Variants in GABBR2 observed in about 807,000 individuals in gnomAD.
The protein encoded by GABBR2 is gamma-aminobutyric acid type B receptor subunit 2.
Under a neutral mutation model 105.6 loss-of-function variants are expected in GABBR2, and 23 were observed. That is an observed-to-expected ratio of 0.22 (90% CI 0.16 to 0.31). GABBR2 has a LOEUF of 0.31. Among genes scored for constraint, GABBR2 ranks in the 10% least tolerant of loss-of-function variants. The probability of loss-of-function intolerance (pLI) is 1.00; values close to 1 mark genes in which losing one functional copy is unlikely to be tolerated. For missense variants in GABBR2, 734 were observed against 1,245.5 expected, an observed-to-expected ratio of 0.59 and a Z score of 6.18; for synonymous variants, 478 against 499.7, an observed-to-expected ratio of 0.96 and a Z score of 0.58.
intron 7 of GABBR2, among the ~76,000 whole-genome samples, chr9:98,417,252 A>C (rs896274471): frequency 6.6e-6 from 1 of 152,172 alleles, no homozygotes; most frequent in Non-Finnish European, 1.5e-5. Context: ...AAGGAGAGAG[A>C]ATGGACACTG....
intron 11 of GABBR2, 48 bp from the exon 12 acceptor site, chr9:98,371,619 G>T: frequency 1.0e-6 from 1 of 1,004,146 alleles, no homozygotes; most frequent in South Asian, 1.3e-5. Context: ...TAGGTAGACA[G>T]ACTTCATCAG....
chr9:98,404,790 G>A lies in GABBR2; in HGVS notation c.1297+1291C>T, dbSNP rs1168935207. On this transcript the variant is annotated intron_variant, in intron 8 of 18. Coordinates refer to ENST00000259455, the MANE Select transcript of GABBR2 (RefSeq NM_005458.8). ...TTCTGACAGCAACAGAAAGTTCAAC[G>A]CATGACCCGGTTTCTTCAAAAAATA... is the stretch of plus-strand genomic sequence containing the variant. Among the ~76,000 whole-genome samples, 4 of 152,128 alleles carry A rather than the reference G, an allele frequency of 2.6e-5. No individual in the cohort carries two copies. The East Asian group carries it at 5.8e-4, about 22-fold the overall frequency.
intron 1 of GABBR2, among the ~76,000 whole-genome samples, chr9:98,688,359 T>A (rs1830644889): frequency 6.9e-6 from 1 of 145,550 alleles, no homozygotes; most frequent in South Asian, 2.2e-4. Flanking sequence ...TTATGACCTA[T>A]CCAAATCACT....
chr9:98,600,286 C>T (rs1199858969), intron 1 of GABBR2, among the ~76,000 whole-genome samples: 2 of 152,152 alleles, frequency 1.3e-5, no homozygotes, highest in Non-Finnish European at 2.9e-5. Context: ...CTCTGCTGGG[C>T]AGAGCACTTC....
intron 1 of GABBR2, among the ~76,000 whole-genome samples, chr9:98,677,809 G>T (rs1466627099): frequency 6.6e-6 from 1 of 151,868 alleles, no homozygotes; most frequent in East Asian, 1.9e-4. Flanking sequence ...ACCTTCACAG[G>T]GCTCTCTCTC....
chr9:98,363,210 C>T (rs1446320928), intron 12 of GABBR2, among the ~76,000 whole-genome samples: 1 of 152,132 alleles, frequency 6.6e-6, no homozygotes. Flanking sequence ...GATCAATTGT[C>T]ACCTCCTCCA....
intron 1 of GABBR2, among the ~76,000 whole-genome samples, chr9:98,638,220 T>C (rs981294626): frequency 7.9e-5 from 12 of 152,148 alleles, no homozygotes; most frequent in African/African-American, 2.9e-4. Flanking sequence ...AAATACATAA[T>C]CACAATACAG....
Position 98,388,730 on chromosome 9 carries a change from T to C in GABBR2, c.1529+124A>G. 1 of 719,176 alleles carries C rather than the reference T, an allele frequency of 1.4e-6. No individual in the cohort carries two copies. The highest frequency in any genetic ancestry group is 2.7e-5 in the East Asian group (1 of 37,672). The allele number at this position is 719,176 out of a possible 1,614,324, so 44.5% of individuals were successfully genotyped here. ...ACATCCTAGCAACGGAGGAACACTT[T>C]GGGAAACTCTGCCCTGCAGACTTCT... On this transcript the variant is annotated intron_variant, in intron 10 of 18. Coordinates refer to ENST00000259455, the MANE Select transcript of GABBR2 (RefSeq NM_005458.8). This position sits in a 1 kb window ranked among gnomAD's most constrained non-coding sequence, Gnocchi z 4.4.
At chr9:98,297,578 A>C (rs1830401403) in intron 17 of GABBR2, among the ~76,000 whole-genome samples, 1 of 151,996 alleles carries the variant, frequency 6.6e-6, no homozygotes, top group South Asian at 2.1e-4. Flanking sequence ...GTGCCATTGC[A>C]CTCCAGCCTG....
At chr9:98,490,290 A>G (rs1381624985) in intron 4 of GABBR2, among the ~76,000 whole-genome samples, 1 of 152,188 alleles carries the variant, frequency 6.6e-6, no homozygotes, top group Non-Finnish European at 1.5e-5. Context: ...AGCATTCCCT[A>G]TACTTTCTGA....
At chr9:98,628,252 A>G (rs2131826803) in intron 1 of GABBR2, among the ~76,000 whole-genome samples, 1 of 152,376 alleles carries the variant, frequency 6.6e-6, no homozygotes, top group Non-Finnish European at 1.5e-5. Context: ...AGCAAGAACT[A>G]GAAGCTTGTG....
intron 2 of GABBR2, among the ~76,000 whole-genome samples, chr9:98,572,638 GT>G (rs60191569): frequency 0.021 from 3,206 of 152,294 alleles, 110 homozygotes; most frequent in African/African-American, 0.073. Context: ...GGTCCACAGA[GT>G]CTGGCTTATA....
At chr9:98,418,842 T>C (rs1300968857) in intron 7 of GABBR2, among the ~76,000 whole-genome samples, 1 of 152,244 alleles carries the variant, frequency 6.6e-6, no homozygotes, top group Non-Finnish European at 1.5e-5. Context: ...TACAGCGCCA[T>C]GCATCACCAA....
At chr9:98,540,358 C>T (rs944503977) in intron 3 of GABBR2, among the ~76,000 whole-genome samples, 9 of 152,216 alleles carry the variant, frequency 5.9e-5, no homozygotes, top group African/African-American at 1.9e-4. Context: ...TTGGCAGAAG[C>T]CCTGCAGGGA....
intron 1 of GABBR2, among the ~76,000 whole-genome samples, chr9:98,684,180 A>T (rs1447756175): frequency 1.4e-5 from 2 of 147,050 alleles, no homozygotes; most frequent in Non-Finnish European, 3.0e-5. Flanking sequence ...AAAAAAAAAA[A>T]AAAAAAAAAA....
At chr9:98,408,779 A>G (rs1057477132) in intron 7 of GABBR2, among the ~76,000 whole-genome samples, 1 of 152,128 alleles carries the variant, frequency 6.6e-6, no homozygotes, top group African/African-American at 2.4e-5. Context: ...TGGGAAAAGG[A>G]AGTCTTTTTT....
chr9:98,501,802 T>C (rs891322420), intron 3 of GABBR2, among the ~76,000 whole-genome samples: 14 of 152,178 alleles, frequency 9.2e-5, no homozygotes, highest in Non-Finnish European at 2.1e-4. Context: ...CTTCAAGTTC[T>C]AGGAAGTCCC....
intron 5 of GABBR2, among the ~76,000 whole-genome samples, 182 bp from the exon 6 acceptor site, chr9:98,473,528 T>C (rs1426296094): frequency 1.3e-5 from 2 of 152,176 alleles, no homozygotes; most frequent in African/African-American, 4.8e-5. Flanking sequence ...GGATAACATG[T>C]ATAATAAAAT....
chr9:98,526,278 C>A (rs779624069), intron 3 of GABBR2, among the ~76,000 whole-genome samples: 10 of 152,056 alleles, frequency 6.6e-5, no homozygotes, highest in Non-Finnish European at 1.5e-4. Context: ...ACCTCCACTC[C>A]ACACCAACCA....
Sources: gnomAD v4.1 joint callset for allele counts (sites outside exome capture counted in the v4.1 genomes callset) on GRCh38, gnomAD v4.1.1 for gene constraint, Gnocchi (gnomAD v3.1) non-coding constraint, MANE v1.5 for transcripts, NCBI Gene and HGNC (gene_info 2026-07-23, HGNC 2026-07-21) for gene names.